The following EYA4 variants were observed in gnomAD, a reference collection of about 807,000 sequenced individuals.
EYA4 encodes the protein protein phosphatase EYA4.
Under a neutral mutation model 87.9 loss-of-function variants are expected in EYA4, and 31 were observed. That is an observed-to-expected ratio of 0.35 (90% confidence interval 0.27 to 0.48). The LOEUF (loss-of-function observed/expected upper bound fraction) is 0.48. EYA4 is among the 20% of genes least tolerant of loss of function. The pLI, the probability that EYA4 is intolerant of heterozygous loss-of-function variation, is 0.99. For missense variants in EYA4, 678 were observed against 761.4 expected, an observed-to-expected ratio of 0.89 and a Z score of 1.29; for synonymous variants, 263 against 270.6, an observed-to-expected ratio of 0.97 and a Z score of 0.28.
At chr6:133,328,803 A>G (rs112848779) in intron 2 of EYA4, among the ~76,000 whole-genome samples, 1 of 152,170 alleles carries the variant, frequency 6.6e-6, no homozygotes, top group Non-Finnish European at 1.5e-5. Context: ...GATCATTTTG[A>G]TGAAAACACA....
intron 13 of EYA4, among the ~76,000 whole-genome samples, chr6:133,494,823 C>A (rs1797493520): frequency 6.6e-6 from 1 of 151,016 alleles, no homozygotes; most frequent in South Asian, 2.1e-4. Flanking sequence ...TGCATTCCAG[C>A]CCAGATGTCA....
At chr6:133,387,507 A>G (rs1171310186) in intron 3 of EYA4, among the ~76,000 whole-genome samples, 2 of 152,178 alleles carry the variant, frequency 1.3e-5, no homozygotes, top group Non-Finnish European at 2.9e-5. Flanking sequence ...TCTCAATAAC[A>G]TGATCTGGTT....
intron 2 of EYA4, among the ~76,000 whole-genome samples, chr6:133,355,065 A>C (rs1783910542): frequency 6.6e-6 from 1 of 152,182 alleles, no homozygotes; most frequent in African/African-American, 2.4e-5. Context: ...GGTTTTGAAA[A>C]ATAGTTTCTT....
chr6:133,251,063 A>G (rs149845113), intron 1 of EYA4, among the ~76,000 whole-genome samples: 177 of 152,342 alleles, frequency 1.2e-3, no homozygotes, highest in African/African-American at 3.4e-3. Flanking sequence ...AGAAGACACT[A>G]TAGGTGCTCA....
At chr6:133,461,285 T>A in intron 7 of EYA4, 105 bp downstream of exon 7, 2 of 852,630 alleles carry the variant, frequency 2.3e-6, no homozygotes, top group South Asian at 2.7e-5. Context: ...TATAGATAAA[T>A]ATCCTGTACA....
chr6:133,259,607 C>T (rs888442648), intron 1 of EYA4, among the ~76,000 whole-genome samples: 3 of 152,170 alleles, frequency 2.0e-5, no homozygotes, highest in Non-Finnish European at 2.9e-5. Context: ...ATAAAATTTC[C>T]TCAAGTGTCC....
chr6:133,316,000 C>G (rs887687433), intron 2 of EYA4, among the ~76,000 whole-genome samples: 1 of 152,112 alleles, frequency 6.6e-6, no homozygotes, highest in African/African-American at 2.4e-5. Flanking sequence ...GCAGCATGTA[C>G]TCCAGAAAGC....
At position 133,448,117 on chromosome 6, in the gene EYA4, A is replaced by G. The variant is rs200688814; in HGVS notation, c.215A>G (p.Asn72Ser). 1.9e-6 allele frequency: 3 copies of G among 1,613,228 alleles called. No individual in the cohort carries two copies. The highest frequency in any genetic ancestry group is 2.5e-6 in the Non-Finnish European group (3 of 1,179,168). ...ATACTGTTCCTGTTCTCAGGGGAAA[A>G]CATGACTGTTTTAAACACAGCAGAC... ...SVTTNGTGGE[N>S]MTVLNTADWL... Residue 72 changes from asparagine to serine, a missense_variant, in exon 5 of 20, where the codon AAC becomes AGC. Physicochemically the swap from Asn to Ser is conservative, Grantham distance 46. Coordinates refer to ENST00000355286, the MANE Select transcript of EYA4 (RefSeq NM_004100.5).
intron 2 of EYA4, among the ~76,000 whole-genome samples, chr6:133,276,345 TG>T (rs776259584): frequency 3.0e-4 from 45 of 152,298 alleles, no homozygotes; most frequent in Non-Finnish European, 5.0e-4. Flanking sequence ...ACACAAAGTT[TG>T]GGGGAAAACC....
chr6:133,437,376 A>G (rs1328470945), intron 3 of EYA4, among the ~76,000 whole-genome samples: 4 of 152,222 alleles, frequency 2.6e-5, no homozygotes, highest in African/African-American at 9.6e-5. Flanking sequence ...GAGCTCTGGC[A>G]TCAGATAAAC....
intron 3 of EYA4, among the ~76,000 whole-genome samples, chr6:133,420,472 G>A (rs1336431914): frequency 6.6e-6 from 1 of 152,088 alleles, no homozygotes; most frequent in Non-Finnish European, 1.5e-5. Context: ...TGTTTTTCTG[G>A]TTTCATACAT....
intron 2 of EYA4, among the ~76,000 whole-genome samples, chr6:133,285,671 A>G (rs1777997847): frequency 6.6e-6 from 1 of 152,230 alleles, no homozygotes; most frequent in Non-Finnish European, 1.5e-5. Context: ...AAAATAGACT[A>G]TGATGACAAG....
At chr6:133,334,918 T>G (rs140485745) in intron 2 of EYA4, among the ~76,000 whole-genome samples, 1 of 152,324 alleles carries the variant, frequency 6.6e-6, no homozygotes, top group East Asian at 1.9e-4. Context: ...TAGCTACAAA[T>G]AGCTACATAT....
intron 2 of EYA4, among the ~76,000 whole-genome samples, chr6:133,328,949 C>A (rs1781712744): frequency 6.6e-6 from 1 of 152,052 alleles, no homozygotes; most frequent in African/African-American, 2.4e-5. Flanking sequence ...AATAGAGGGC[C>A]ACCTGAGTGC....
chr6:133,306,293 C>A (rs955124108), intron 2 of EYA4, among the ~76,000 whole-genome samples: 1 of 152,112 alleles, frequency 6.6e-6, no homozygotes, highest in African/African-American at 2.4e-5. Flanking sequence ...GAGTAGATCA[C>A]CCCAAGGGAA....
At chr6:133,285,198 A>G (rs1426049865) in intron 2 of EYA4, among the ~76,000 whole-genome samples, 2 of 151,960 alleles carry the variant, frequency 1.3e-5, no homozygotes, top group African/African-American at 2.4e-5. Context: ...GGGTTTCACC[A>G]TGTTAGCGGG....
rs564032060 is a variant in EYA4 at position 133,406,775 on chromosome 6, A to G, written c.83+24334A>G. Among the ~76,000 whole-genome samples, 12 of 152,282 alleles carry G rather than the reference A, an allele frequency of 7.9e-5. No homozygotes were observed. The East Asian group carries it at 2.1e-3, about 27-fold the overall frequency. On this transcript the variant is annotated intron_variant, in intron 3 of 19. Transcript: ENST00000355286. The stretch of plus-strand genomic sequence containing the variant: ...TTCCAAGTGTACTATGCGATTTTTA[A>G]TTCTAGAAGGTTTTCTATTAAAATG...
intron 6 of EYA4, among the ~76,000 whole-genome samples, chr6:133,457,278 C>A (rs1205782842): frequency 1.3e-5 from 2 of 152,200 alleles, no homozygotes; most frequent in East Asian, 3.9e-4. Flanking sequence ...GCACAAAGGG[C>A]ATGAATTAAG....
chr6:133,363,892 T>C (rs1784660210), intron 2 of EYA4, among the ~76,000 whole-genome samples: 1 of 152,222 alleles, frequency 6.6e-6, no homozygotes, highest in African/African-American at 2.4e-5. Flanking sequence ...AATTTAGGAA[T>C]GCAGCCAGCC....
Sources: allele counts gnomAD v4.1 joint callset (sites outside exome capture counted in the v4.1 genomes callset), GRCh38; gene constraint gnomAD v4.1.1; transcripts MANE v1.5; gene names NCBI Gene and HGNC (gene_info 2026-07-23, HGNC 2026-07-21).